Variants in PFKFB1 observed in about 807,000 individuals in gnomAD.
PFKFB1 encodes 6-phosphofructo-2-kinase/fructose-2,6-biphosphatase 1.
A neutral mutation model predicts 46.4 loss-of-function variants in PFKFB1; 34 were observed. The ratio of observed to expected loss-of-function variants is 0.73; its 90% CI spans 0.56 to 0.98. The LOEUF (loss-of-function observed/expected upper bound fraction) is 0.98. Ranked by LOEUF, PFKFB1 falls within the 50% of genes least tolerant of loss-of-function variation. PFKFB1 has a pLI of 0.00. For missense variants in PFKFB1, 393 were observed against 376.3 expected (o/e 1.04, Z -0.37); for synonymous variants, 119 against 133.8 (o/e 0.89, Z 0.76).
chrX:54,972,718 T>C lies in PFKFB1; in HGVS notation c.98-9336A>G, dbSNP rs758727462. 1.1e-4 allele frequency among the ~76,000 whole-genome samples: 12 copies of C among 111,854 alleles called. No individual in the cohort carries two copies. The South Asian group carries it at 4.1e-3, about 39-fold the overall frequency. ...TGAGCATGGTGGATAAGCTTTTTGA[T>C]GTGCTGCTGGATTTGGTTTGCCAGT... is the stretch of plus-strand genomic sequence containing the variant. On this transcript the variant is annotated intron_variant, in intron 1 of 13. Coordinates refer to ENST00000375006, the MANE Select transcript of PFKFB1 (RefSeq NM_002625.4).
chrX:54,974,103 A>G (rs983281055), intron 1 of PFKFB1, among the ~76,000 whole-genome samples: 3 of 111,713 alleles, frequency 2.7e-5, no homozygotes, highest in African/African-American at 9.8e-5. Context: ...TATTTTAGAT[A>G]TAGACAAGCT....
intron 7 of PFKFB1, among the ~76,000 whole-genome samples, 156 bp downstream of exon 7, chrX:54,955,997 G>T (rs1934122027): frequency 8.9e-6 from 1 of 112,139 alleles, no homozygotes; most frequent in Non-Finnish European, 1.9e-5. Context: ...AATCAGAGCT[G>T]AAAGGATCCT....
chrX:54,996,104 A>G (rs923319017), upstream of PFKFB1, among the ~76,000 whole-genome samples: 1 of 112,307 alleles, frequency 8.9e-6, no homozygotes, highest in Non-Finnish European at 1.9e-5. Context: ...TTCTTTAATT[A>G]ATCAAACAAG....
At chrX:54,952,273 T>G (rs1446857672) in intron 7 of PFKFB1, among the ~76,000 whole-genome samples, 161 bp from the exon 8 acceptor site, 1 of 111,709 alleles carries the variant, frequency 9.0e-6, no homozygotes, top group Non-Finnish European at 1.9e-5. Context: ...GTACCTGTCC[T>G]AGAGACTTGG....
intron 1 of PFKFB1, among the ~76,000 whole-genome samples, chrX:54,973,524 G>A (rs762648737): frequency 1.6e-4 from 18 of 111,193 alleles, no homozygotes; most frequent in African/African-American, 5.5e-4. Context: ...GCGTCCCAGA[G>A]ATTCTGTTAT....
chrX:54,961,997 G>T (rs769805551), intron 2 of PFKFB1, among the ~76,000 whole-genome samples: 1 of 111,541 alleles, frequency 9.0e-6, no homozygotes, highest in Non-Finnish European at 1.9e-5. Flanking sequence ...ATTGTGGAGG[G>T]CCTTGAACAA....
intron 1 of PFKFB1, among the ~76,000 whole-genome samples, chrX:54,977,400 A>T (rs1445384288): frequency 9.1e-6 from 1 of 110,221 alleles, no homozygotes; most frequent in East Asian, 2.8e-4. Context: ...GTAGGGTGGA[A>T]TAAATAAATA....
intron 12 of PFKFB1, among the ~76,000 whole-genome samples, chrX:54,934,703 G>A (rs1051264532): frequency 2.7e-5 from 3 of 111,973 alleles, no homozygotes; most frequent in Non-Finnish European, 3.8e-5. Flanking sequence ...ACAGCTTGGT[G>A]CTCTGTGCTG....
intron 1 of PFKFB1, among the ~76,000 whole-genome samples, chrX:54,975,485 G>A (rs1934813871): frequency 9.0e-6 from 1 of 110,816 alleles, no homozygotes; most frequent in Non-Finnish European, 1.9e-5. Context: ...TTGCGGGGAA[G>A]GATGGAAGGA....
chrX:54,939,156 C>T (rs1407869426), intron 10 of PFKFB1, among the ~76,000 whole-genome samples: 9 of 111,594 alleles, frequency 8.1e-5, no homozygotes, highest in African/African-American at 2.6e-4. Context: ...GGGTACATAA[C>T]GAAATGAAGG....
intron 10 of PFKFB1, among the ~76,000 whole-genome samples, chrX:54,943,413 T>C (rs1205865860): frequency 2.7e-5 from 3 of 111,717 alleles, no homozygotes; most frequent in Non-Finnish European, 5.6e-5. Flanking sequence ...CAAGACATTT[T>C]TAGACAAAAA....
chrX:54,958,264 C>T (rs745952454), intron 6 of PFKFB1, 42 bp downstream of exon 6: 1 of 924,414 alleles, frequency 1.1e-6, no homozygotes, highest in Non-Finnish European at 1.6e-6. Context: ...ATGATCTAAG[C>T]CTAAGGCAGA....
At chrX:54,985,237 C>T (rs1463720447) in intron 1 of PFKFB1, among the ~76,000 whole-genome samples, 1 of 111,439 alleles carries the variant, frequency 9.0e-6, no homozygotes, top group African/African-American at 3.3e-5. Flanking sequence ...ACCTCCAAGA[C>T]TTACTTCACA....
chrX:54,980,944 A>G (rs7058927), intron 1 of PFKFB1, among the ~76,000 whole-genome samples: 6,811 of 111,488 alleles, frequency 0.061, 321 homozygotes, highest in African/African-American at 0.17. Flanking sequence ...TGAATTTTTA[A>G]AAGAATCAAA....
intron 1 of PFKFB1, among the ~76,000 whole-genome samples, chrX:54,967,359 T>C (rs1490012924): frequency 9.0e-6 from 1 of 111,554 alleles, no homozygotes; most frequent in African/African-American, 3.3e-5. Context: ...AAGCACTCAG[T>C]GAAGAAACAG....
chrX:54,974,697 C>G (rs1489053883), intron 1 of PFKFB1, among the ~76,000 whole-genome samples: 2 of 111,766 alleles, frequency 1.8e-5, no homozygotes. Context: ...TATTCGCAAA[C>G]TATGCATTTG....
At chrX:54,956,750 C>T (rs758679657) in intron 6 of PFKFB1, among the ~76,000 whole-genome samples, 1 of 110,477 alleles carries the variant, frequency 9.1e-6, no homozygotes, top group South Asian at 4.0e-4. Context: ...GGCACTATCA[C>T]CTACCCAGTC....
chrX:54,968,263 T>C (rs1272714112), intron 1 of PFKFB1, among the ~76,000 whole-genome samples: 1 of 69,848 alleles, frequency 1.4e-5, no homozygotes, highest in African/African-American at 5.7e-5. Flanking sequence ...TAGGTGCAAA[T>C]TGAACAATGA....
At position 54,951,123 on chromosome X, in the gene PFKFB1, C is replaced by T. The variant is rs150250795; in HGVS notation, c.846+782G>A. Among the ~76,000 whole-genome samples, 736 of 113,148 alleles carry T rather than the reference C, an allele frequency of 6.5e-3. 6 individuals carry two copies. The highest frequency in any genetic ancestry group is 0.022 in the African/African-American group (675 of 31,205). ...ATTTCCCACCTGTTCCATCCCCAAG[C>T]GGTCCTGCCAGCAGGAACAATACCT... On this transcript the variant is annotated intron_variant, in intron 8 of 13. Coordinates refer to ENST00000375006, the MANE Select transcript of PFKFB1 (RefSeq NM_002625.4).
Sources: allele counts gnomAD v4.1 joint callset (sites outside exome capture counted in the v4.1 genomes callset), GRCh38; gene constraint gnomAD v4.1.1; transcripts MANE v1.5; gene names NCBI Gene and HGNC (gene_info 2026-07-23, HGNC 2026-07-21).